The following ADGRL3 variants were observed in gnomAD, a reference collection of about 807,000 sequenced individuals.
ADGRL3 encodes the protein calcium-independent alpha-latrotoxin receptor 3.
In ADGRL3, 62 loss-of-function variants were observed where a neutral mutation model predicts 153.5. That is an observed-to-expected ratio of 0.40 (90% CI 0.33 to 0.50). The LOEUF is 0.50. Ranked by LOEUF, ADGRL3 falls within the 20% of genes least tolerant of loss-of-function variation. The probability of loss-of-function intolerance (pLI) is 0.47; values close to 1 mark genes in which losing one functional copy is unlikely to be tolerated. For synonymous variants in ADGRL3, 710 were observed against 672.5 expected (o/e 1.06, Z -0.86); for missense variants, 1,641 against 1,859.4 (o/e 0.88, Z 2.16).
chr4:61,846,083 G>A (rs1356017076), intron 9 of ADGRL3, among the ~76,000 whole-genome samples: 4 of 152,026 alleles, frequency 2.6e-5, no homozygotes, highest in African/African-American at 9.7e-5. Flanking sequence ...AGAAGGCCAC[G>A]GTGGGAGGAT....
At chr4:61,932,966 A>G (rs1426477012) in intron 13 of ADGRL3, among the ~76,000 whole-genome samples, 1 of 151,758 alleles carries the variant, frequency 6.6e-6, no homozygotes, top group Non-Finnish European at 1.5e-5. Context: ...CTTTTTTCTC[A>G]TCTTGTATTT....
chr4:61,562,968 G>T (rs1038130496), intron 4 of ADGRL3, among the ~76,000 whole-genome samples: 2 of 145,894 alleles, frequency 1.4e-5, no homozygotes, highest in African/African-American at 5.1e-5. Flanking sequence ...AAAAAAAGGT[G>T]ATTCATTAAA....
intron 2 of ADGRL3, among the ~76,000 whole-genome samples, chr4:61,467,705 C>G (rs994603569): frequency 5.9e-5 from 9 of 151,956 alleles, no homozygotes; most frequent in Admixed American, 1.3e-4. Context: ...ACCTTATTAT[C>G]CTGTTTGTAA....
intron 9 of ADGRL3, among the ~76,000 whole-genome samples, chr4:61,849,484 AT>A (rs5858733): frequency 1.9e-4 from 29 of 149,086 alleles, no homozygotes; most frequent in African/African-American, 5.4e-4. Flanking sequence ...ATATTTTTAT[AT>A]TTTTTTTTTG....
At chr4:61,994,974 G>A (rs1023194477) in intron 19 of ADGRL3, among the ~76,000 whole-genome samples, 2 of 149,776 alleles carry the variant, frequency 1.3e-5, no homozygotes, top group African/African-American at 4.9e-5. Flanking sequence ...GCACAGTGCC[G>A]TGATTTCAGC....
intron 7 of ADGRL3, among the ~76,000 whole-genome samples, chr4:61,731,890 A>T (rs1289589743): frequency 3.3e-5 from 5 of 152,136 alleles, no homozygotes; most frequent in Non-Finnish European, 5.9e-5. Flanking sequence ...AATCATACTA[A>T]AAATCAAGTG....
intron 8 of ADGRL3, among the ~76,000 whole-genome samples, chr4:61,758,507 C>A (rs755127639): frequency 6.6e-6 from 1 of 152,108 alleles, no homozygotes; most frequent in Non-Finnish European, 1.5e-5. Flanking sequence ...GCAACCCCTG[C>A]CTTTTTCTGT....
Position 61,758,530 on chromosome 4 carries a change from T to C in ADGRL3, c.1399+24976T>C, listed in dbSNP as rs2096867899. On this transcript the variant is annotated intron_variant, in intron 8 of 26. Transcript: ENST00000683033. ...TGCCTTTTTCTGTTTTCCATTTGCT[T>C]GGTAGATCTTCCTCCATTCCTTTAT... Among the ~76,000 whole-genome samples, 5 of 152,308 alleles carry C rather than the reference T, an allele frequency of 3.3e-5. 1 individual carries two copies. In the South Asian group the frequency reaches 1.0e-3, roughly 32 times the overall value.
At chr4:61,946,773 T>G in intron 15 of ADGRL3, 141 bp from the exon 16 acceptor site, 1 of 698,006 alleles carries the variant, frequency 1.4e-6, no homozygotes, top group Non-Finnish European at 2.5e-6. Context: ...CCTCTCCTCA[T>G]AAATGACTTG....
chr4:61,650,957 G>A (rs188452788), intron 5 of ADGRL3, among the ~76,000 whole-genome samples: 9 of 152,128 alleles, frequency 5.9e-5, no homozygotes, highest in Non-Finnish European at 8.8e-5. Flanking sequence ...TGTTTTTGTT[G>A]TTGGACAAAA....
chr4:61,631,859 C>T (rs2093186549), intron 5 of ADGRL3, among the ~76,000 whole-genome samples: 1 of 151,718 alleles, frequency 6.6e-6, no homozygotes, highest in Non-Finnish European at 1.5e-5. Flanking sequence ...AATCTCCTGA[C>T]CTCGTGATCT....
In ADGRL3 at chr4:61,520,652, CTGTGTGTG is replaced by C. The variant is rs545112505; in HGVS notation, c.259+3160_259+3167del. Among the ~76,000 whole-genome samples, 67 of 118,574 alleles carry C rather than the reference CTGTGTGTG, an allele frequency of 5.7e-4. 2 individuals are homozygous for C. The highest frequency in any genetic ancestry group is 2.0e-3 in the African/African-American group (63 of 31,770). The allele number at this position is 118,574 out of a possible 152,430, so 77.8% of individuals were successfully genotyped here. A position where few individuals can be genotyped will look rare whatever the true frequency, so the allele number is the denominator to read the frequency against. ...TAGATGAGGAGGCTTCTATAAACCT[CTGTGTGTG>C]TGTGTGTGTGTGTGTGTGTGTGTGT... is the stretch of plus-strand genomic sequence containing the variant. On this transcript the variant is annotated intron_variant, in intron 4 of 26. Coordinates refer to ENST00000683033, the MANE Select transcript of ADGRL3 (RefSeq NM_001387552.1).
intron 16 of ADGRL3, among the ~76,000 whole-genome samples, chr4:61,947,484 G>C (rs1379142566): frequency 3.3e-5 from 5 of 152,126 alleles, no homozygotes; most frequent in African/African-American, 1.2e-4. Context: ...AGCTGCTCTT[G>C]CTGCAAAAAC....
chr4:61,293,345 A>G (rs1191597113), intron 1 of ADGRL3, among the ~76,000 whole-genome samples: 1 of 152,172 alleles, frequency 6.6e-6, no homozygotes, highest in Non-Finnish European at 1.5e-5. Context: ...TGCTAGGTTT[A>G]TATTAAATAT....
At chr4:61,847,633 ATT>A (rs1491508892) in intron 9 of ADGRL3, among the ~76,000 whole-genome samples, 1 of 35,100 alleles carries the variant, frequency 2.8e-5, no homozygotes, top group Non-Finnish European at 6.5e-5. Flanking sequence ...TATAAAATAT[ATT>A]ATATATATAA....
intron 21 of ADGRL3, among the ~76,000 whole-genome samples, chr4:62,016,575 A>G (rs539386521): frequency 7.9e-5 from 12 of 152,164 alleles, no homozygotes; most frequent in South Asian, 6.2e-4. Flanking sequence ...ATGTTTTTCT[A>G]TCATTACTAC....
chr4:61,290,327 T>C (rs1459489381), intron 1 of ADGRL3, among the ~76,000 whole-genome samples: 4 of 152,146 alleles, frequency 2.6e-5, no homozygotes, highest in Non-Finnish European at 5.9e-5. Context: ...GTTAGGTTGA[T>C]TAATAAATTA....
At chr4:61,593,959 C>T (rs2098979457) in intron 5 of ADGRL3, among the ~76,000 whole-genome samples, 1 of 151,986 alleles carries the variant, frequency 6.6e-6, no homozygotes, top group African/African-American at 2.4e-5. Context: ...TCTTTTGAGG[C>T]TATTTTCTAG....
chr4:61,972,631 C>T (rs1352730389), intron 17 of ADGRL3, among the ~76,000 whole-genome samples: 1 of 151,950 alleles, frequency 6.6e-6, no homozygotes, highest in Non-Finnish European at 1.5e-5. Context: ...GGATTGACTT[C>T]ACGATTCAGG....
Sources: gnomAD v4.1 joint callset for allele counts (sites outside exome capture counted in the v4.1 genomes callset) on GRCh38, gnomAD v4.1.1 for gene constraint, MANE v1.5 for transcripts, NCBI Gene and HGNC (gene_info 2026-07-23, HGNC 2026-07-21) for gene names.